Variants in UNC5D observed in about 807,000 individuals in gnomAD.
The protein encoded by UNC5D is netrin receptor UNC5D.
In UNC5D, 39 loss-of-function variants were observed where a neutral mutation model predicts 105.4. The observed-to-expected ratio is 0.37, with a 90% CI of 0.29 to 0.48. The LOEUF (loss-of-function observed/expected upper bound fraction) is 0.48, where lower values mean the gene tolerates loss of function less well. Among genes scored for constraint, UNC5D ranks in the 20% least tolerant of loss-of-function variants. UNC5D has a pLI of 0.98. For missense variants in UNC5D, 991 were observed against 1,202.4 expected, an observed-to-expected ratio of 0.82 and a Z score of 2.60; for synonymous variants, 452 against 450.4, an observed-to-expected ratio of 1.00 and a Z score of -0.04.
In UNC5D at chr8:35,684,612, G is replaced by A. The variant is rs1256044690; in HGVS notation, c.782G>A (p.Trp261Ter). The change falls in exon 6 of 17, where the codon TGG becomes TAG. Residue 261 changes from tryptophan to a stop codon, truncating the protein, a stop_gained. Coordinates refer to ENST00000404895, the MANE Select transcript of UNC5D (RefSeq NM_080872.4). LOFTEE classifies it high-confidence loss of function. ...GGAGGCTGGTCTTCCTGGACAGAGT[G>A]GTCAGCCTGCAATGTTCGCTGTGGT... ...VNGGWSSWTE[W>*]SACNVRCGRG... 1.2e-6 allele frequency: 2 copies of A among 1,613,100 alleles called. No homozygotes were observed. Among genetic ancestry groups the A allele is most frequent in the Non-Finnish European group, 1.7e-6 (2 of 1,179,896 alleles).
At chr8:35,651,069 T>C (rs1378571173) in intron 4 of UNC5D, among the ~76,000 whole-genome samples, 1 of 152,188 alleles carries the variant, frequency 6.6e-6, no homozygotes, top group African/African-American at 2.4e-5. Context: ...CCCCATTGTA[T>C]TGCATGACAT....
At chr8:35,351,139 G>T (rs549216044) in intron 1 of UNC5D, among the ~76,000 whole-genome samples, 17 of 152,006 alleles carry the variant, frequency 1.1e-4, no homozygotes, top group Admixed American at 2.0e-4. Context: ...TAAGCCTGAG[G>T]CAGTTGAAAA....
At chr8:35,785,442 C>A (rs1393091813) in intron 16 of UNC5D, among the ~76,000 whole-genome samples, 2 of 152,106 alleles carry the variant, frequency 1.3e-5, no homozygotes, top group Non-Finnish European at 2.9e-5. Context: ...TCACTGCAAT[C>A]CCTGCCTCCT....
Position 35,764,607 on chromosome 8 carries a change from C to G in UNC5D, c.2314-2295C>G, listed in dbSNP as rs547996916. Among the ~76,000 whole-genome samples the G allele has an allele frequency of 1.1e-3, 169 of 152,264 alleles. 1 individual carries two copies. The highest frequency in any genetic ancestry group is 3.9e-3 in the African/African-American group (163 of 41,548). On this transcript the variant is annotated intron_variant, in intron 14 of 16. Coordinates refer to ENST00000404895, the MANE Select transcript of UNC5D (RefSeq NM_080872.4). ...AGGCATTGCAGGAGGCCCCACAAAT[C>G]AGAAATGCCCTCTGCTGCAGGATCT...
chr8:35,443,413 A>G (rs1277176964), intron 1 of UNC5D, among the ~76,000 whole-genome samples: 3 of 151,660 alleles, frequency 2.0e-5, no homozygotes, highest in Admixed American at 2.0e-4. Context: ...AGGCTGGAAA[A>G]AGTTGTGAAA....
At chr8:35,496,605 T>TA (rs1811612824) in intron 1 of UNC5D, among the ~76,000 whole-genome samples, 1 of 152,132 alleles carries the variant, frequency 6.6e-6, no homozygotes, top group South Asian at 2.1e-4. Flanking sequence ...CACTCCTACT[T>TA]ATGTAATTTT....
In UNC5D at chr8:35,710,934, C is replaced by CTTTTTTTTTT. The variant is rs775014566; in HGVS notation, c.1117+4986_1117+4995dup. Among the ~76,000 whole-genome samples, 41 of 114,376 alleles carry CTTTTTTTTTT rather than the reference C, an allele frequency of 3.6e-4. 2 individuals carry two copies. The highest frequency in any genetic ancestry group is 1.2e-3 in the African/African-American group (30 of 25,038). 75.0% of individuals were successfully genotyped at this position (114,376 alleles called of 152,430 possible). On this transcript the variant is annotated intron_variant, in intron 8 of 16. Transcript: ENST00000404895. ...GCCTCTTCAGTAGCTCAGCATTATT[C>CTTTTTTTTTT]TTTTTTTTTTTTTTTTTTTTTTGAG...
chr8:35,657,958 A>G (rs1823876608), intron 4 of UNC5D, among the ~76,000 whole-genome samples: 1 of 152,210 alleles, frequency 6.6e-6, no homozygotes. Flanking sequence ...GTAGGAATAG[A>G]AAGGTTTTAA....
intron 1 of UNC5D, among the ~76,000 whole-genome samples, chr8:35,378,518 C>A (rs952715271): frequency 2.6e-5 from 4 of 152,146 alleles, no homozygotes; most frequent in Non-Finnish European, 5.9e-5. Context: ...ATATTTGAGA[C>A]CCTGCCCTAC....
Position 35,726,200 on chromosome 8 carries a change from G to A in UNC5D, c.1352G>A (p.Ser451Asn). The A allele has an allele frequency of 6.2e-7, 1 of 1,613,958 alleles. No homozygotes were observed. Reference protein sequence around the residue: ...NSAMQPDLTVSRTYSGPICLQ... With the variant: ...NSAMQPDLTVNRTYSGPICLQ... ...GCCATGCAGCCAGATCTGACAGTGA[G>A]CCGGACATACAGCGGACCCATCTGT... Residue 451 changes from serine to asparagine, a missense_variant, in exon 10 of 17, where the codon AGC (serine) becomes AAC (asparagine). Coordinates refer to ENST00000404895, the MANE Select transcript of UNC5D (RefSeq NM_080872.4).
At chr8:35,685,050 C>T (rs945610030) in intron 6 of UNC5D, among the ~76,000 whole-genome samples, 5 of 152,240 alleles carry the variant, frequency 3.3e-5, no homozygotes, top group Middle Eastern at 3.4e-3. Flanking sequence ...TAAGCCATCC[C>T]CTTCTCTCCT....
Position 35,416,357 on chromosome 8 carries a change from A to G in UNC5D, c.104-132935A>G, listed in dbSNP as rs142850168. ...AAAGAGAAGTACAGAGCCCAGCAAA[A>G]GAAAGAAAAGTTCACGTTGTAATGC... On this transcript the variant is annotated intron_variant, in intron 1 of 16. Coordinates refer to ENST00000404895, the MANE Select transcript of UNC5D (RefSeq NM_080872.4). Among the ~76,000 whole-genome samples the G allele has an allele frequency of 2.9e-3, 436 of 152,314 alleles. 4 individuals carry two copies. The highest frequency in any genetic ancestry group is 6.8e-3 in the Middle Eastern group (2 of 294).
chr8:35,460,267 C>A (rs1184658860), intron 1 of UNC5D, among the ~76,000 whole-genome samples: 1 of 152,108 alleles, frequency 6.6e-6, no homozygotes, highest in East Asian at 1.9e-4. Context: ...TCAAAACATT[C>A]CTGAGGCTTG....
intron 2 of UNC5D, among the ~76,000 whole-genome samples, chr8:35,558,125 TCA>T (rs1816689606): frequency 1.7e-5 from 1 of 59,710 alleles, no homozygotes; most frequent in Admixed American, 2.3e-4. Flanking sequence ...AAACTTCGTC[TCA>T]AAAAAAAAAA....
chr8:35,599,166 A>AG (rs1819676293), intron 4 of UNC5D, among the ~76,000 whole-genome samples: 1 of 150,850 alleles, frequency 6.6e-6, no homozygotes, highest in Non-Finnish European at 1.5e-5. Flanking sequence ...AAAAAAAAAA[A>AG]AAAGCTGAAG....
chr8:35,636,664 C>A (rs187464871), intron 4 of UNC5D, among the ~76,000 whole-genome samples: 39 of 152,278 alleles, frequency 2.6e-4, no homozygotes, highest in Middle Eastern at 3.4e-3. Context: ...ATCCATCACT[C>A]ACAGAAAAGT....
rs1815007371 is a variant in UNC5D, at chr8:35,538,398, TATATATATATA to T, written c.104-10893_104-10883del. Among the ~76,000 whole-genome samples, 133 of 19,156 alleles carry T rather than the reference TATATATATATA, an allele frequency of 6.9e-3. 1 individual carries two copies. The highest frequency in any genetic ancestry group is 0.018 in the African/African-American group (126 of 6,902). 12.6% of individuals were successfully genotyped at this position (19,156 alleles called of 152,430 possible). On this transcript the variant is annotated intron_variant, in intron 1 of 16. Coordinates refer to ENST00000404895, the MANE Select transcript of UNC5D (RefSeq NM_080872.4). ...GTCGTGATTTAAAAAAAAATAATTA[TATATATATATA>T]TATATATATATATATATATATATAT...
intron 1 of UNC5D, among the ~76,000 whole-genome samples, chr8:35,288,288 G>A (rs563076997): frequency 6.6e-6 from 1 of 151,886 alleles, no homozygotes; most frequent in South Asian, 2.1e-4. Flanking sequence ...CCATGAGAGA[G>A]TGGGATGGTA....
At chr8:35,350,465 AT>A (rs552791094) in intron 1 of UNC5D, among the ~76,000 whole-genome samples, 214 of 152,150 alleles carry the variant, frequency 1.4e-3, no homozygotes, top group Non-Finnish European at 2.4e-3. Context: ...TACAATAAGT[AT>A]TTGTTTAATG....
Sources: allele counts gnomAD v4.1 joint callset (sites outside exome capture counted in the v4.1 genomes callset), GRCh38; gene constraint gnomAD v4.1.1; transcripts MANE v1.5; gene names NCBI Gene and HGNC (gene_info 2026-07-23, HGNC 2026-07-21).